Variants in SCUBE1 observed in about 807,000 individuals in gnomAD.
SCUBE1 encodes signal peptide, CUB domain and EGF like domain containing 1, also known as signal peptide, CUB and EGF-like domain-containing protein 1.
SCUBE1 carries 59 observed loss-of-function variants against 124.4 expected under a neutral mutation model. The observed-to-expected ratio is 0.47, with a 90% confidence interval of 0.38 to 0.59. The LOEUF (loss-of-function observed/expected upper bound fraction) is 0.59, where lower values mean the gene tolerates loss of function less well. Among genes scored for constraint, SCUBE1 ranks in the 20% least tolerant of loss-of-function variants. The pLI, the probability that SCUBE1 is intolerant of heterozygous loss-of-function variation, is 0.00. For synonymous variants in SCUBE1, 545 were observed against 550.9 expected, an observed-to-expected ratio of 0.99 and a Z score of 0.15; for missense variants, 1,150 against 1,371.2, an observed-to-expected ratio of 0.84 and a Z score of 2.55.
chr22:43,265,741 T>C (rs1017791303), intron 4 of SCUBE1, among the ~76,000 whole-genome samples: 3 of 152,358 alleles, frequency 2.0e-5, no homozygotes, highest in Admixed American at 6.5e-5. Context: ...CTATCGAGAC[T>C]GGCTAGATAC....
intron 21 of SCUBE1, among the ~76,000 whole-genome samples, chr22:43,205,418 C>CA (rs1396932170): frequency 6.6e-6 from 1 of 152,042 alleles, no homozygotes; most frequent in Non-Finnish European, 1.5e-5. Flanking sequence ...TGGTTCCTGA[C>CA]AGAGTCCCCA....
rs796998266 is a variant in SCUBE1, at chr22:43,281,513, C to T, written c.484+9533G>A. Among the ~76,000 whole-genome samples the T allele has an allele frequency of 3.0e-4, 21 of 70,750 alleles. 3 individuals are homozygous for T. The highest frequency in any genetic ancestry group is 2.7e-3 in the South Asian group (5 of 1,858). The allele number at this position is 70,750 out of a possible 152,430, so 46.4% of individuals were successfully genotyped here. A position where few individuals can be genotyped will look rare whatever the true frequency, so the allele number is the denominator to read the frequency against. ...GGCCACCCTCCTGTCACCTCCTCCT[C>T]AGCCACCCTCCTGTCACCTCCCTCA... is the stretch of plus-strand genomic sequence containing the variant. On this transcript the variant is annotated intron_variant, in intron 4 of 21. Transcript: ENST00000360835.
intron 10 of SCUBE1, among the ~76,000 whole-genome samples, chr22:43,226,998 A>C (rs1408159490): frequency 6.6e-6 from 1 of 152,130 alleles, no homozygotes; most frequent in African/African-American, 2.4e-5. Flanking sequence ...GACAAGGGGA[A>C]GCTACCAGAG....
At chr22:43,217,307 C>T (rs1921872029) in intron 15 of SCUBE1, among the ~76,000 whole-genome samples, 1 of 151,714 alleles carries the variant, frequency 6.6e-6, no homozygotes, top group Non-Finnish European at 1.5e-5. Context: ...TGAACATGTC[C>T]AGCCTGCGCA....
chr22:43,317,078 T>C (rs1926374275), intron 3 of SCUBE1: 1 of 152,202 alleles, frequency 6.6e-6, no homozygotes, highest in Non-Finnish European at 1.5e-5. Context: ...AAATGGTCGT[T>C]TGATCCAGTG....
rs1923646057 is a variant in SCUBE1 at position 43,255,960 on chromosome 22, G to C, written c.727+2259C>G. ...CATGGTGCTTTACGGAGACACAAGT[G>C]ATTACAGACCCCCGTGGCTCAGGCT... On this transcript the variant is annotated intron_variant, in intron 6 of 21. Transcript: ENST00000360835. This position sits in a 1 kb window ranked among gnomAD's most constrained non-coding sequence, Gnocchi z 4.7. 6.6e-6 allele frequency among the ~76,000 whole-genome samples: 1 copy of C among 152,158 alleles called. No individual in the cohort carries two copies.
At position 43,234,707 on chromosome 22, in the gene SCUBE1, C is replaced by A. The variant is rs1219656147; in HGVS notation, c.845-2832G>T. ...CTTCCTGGGTTCCCACCCCACCGCC[C>A]CACACCAGGCAGCCAGCACCACCTT... On this transcript the variant is annotated intron_variant, in intron 7 of 21. Coordinates refer to ENST00000360835, the MANE Select transcript of SCUBE1 (RefSeq NM_173050.5). The surrounding 1 kb of genome is among the most constrained non-coding windows in gnomAD (Gnocchi z 4.4). Among the ~76,000 whole-genome samples, 4 of 152,202 alleles carry A rather than the reference C, an allele frequency of 2.6e-5. No homozygotes were observed. Among genetic ancestry groups the A allele is most frequent in the African/African-American group, 9.7e-5 (4 of 41,448 alleles).
rs1925199161 is a variant in SCUBE1, at chr22:43,287,694, G to C, written c.484+3352C>G. 2.6e-5 allele frequency among the ~76,000 whole-genome samples: 4 copies of C among 152,254 alleles called. No individual in the cohort carries two copies. In the South Asian group the frequency reaches 8.3e-4, roughly 31 times the overall value. Reference sequence around the variant, plus strand: ...GCTGGACAGGCATGAGGAAGAGTCAGGTGATAGGGGGAATCTAATTTGCCA... The same window carrying C: ...GCTGGACAGGCATGAGGAAGAGTCACGTGATAGGGGGAATCTAATTTGCCA... On this transcript the variant is annotated intron_variant, in intron 4 of 21. Transcript: ENST00000360835.
chr22:43,321,586 T>G (rs934861941), intron 2 of SCUBE1, among the ~76,000 whole-genome samples: 1 of 151,458 alleles, frequency 6.6e-6, no homozygotes, highest in Admixed American at 6.6e-5. Context: ...ACTCTTGGTG[T>G]CCGTGCAGCC....
chr22:43,281,534 C>CCTT (rs1160616862), intron 4 of SCUBE1, among the ~76,000 whole-genome samples: 2 of 75,558 alleles, frequency 2.6e-5, no homozygotes, highest in African/African-American at 2.1e-4. Flanking sequence ...CTGTCACCTC[C>CCTT]CTCAGTCACC....
intron 2 of SCUBE1, among the ~76,000 whole-genome samples, chr22:43,338,170 G>A (rs1927147050): frequency 6.6e-6 from 1 of 152,194 alleles, no homozygotes; most frequent in African/African-American, 2.4e-5. Flanking sequence ...GACTCTCATG[G>A]ACAAAAGCTC....
intron 3 of SCUBE1, among the ~76,000 whole-genome samples, chr22:43,305,093 T>A (rs1487899066): frequency 6.6e-6 from 1 of 152,092 alleles, no homozygotes; most frequent in Non-Finnish European, 1.5e-5. Flanking sequence ...TTCCATTCCA[T>A]CTTGGCGACG....
chr22:43,266,782 C>T (rs6003130), intron 4 of SCUBE1, among the ~76,000 whole-genome samples: 24,597 of 152,090 alleles, frequency 0.16, 2,389 homozygotes, highest in African/African-American at 0.27. Context: ...TTACTGGCCA[C>T]TGTTTCCAGA....
chr22:43,206,521 G>A (rs1464584003), intron 21 of SCUBE1, among the ~76,000 whole-genome samples: 1 of 152,172 alleles, frequency 6.6e-6, no homozygotes, highest in African/African-American at 2.4e-5. Context: ...GTGGGCGCCA[G>A]GAAGGAGGGG....
intron 17 of SCUBE1, 28 bp downstream of exon 17, chr22:43,212,397 G>T: frequency 6.5e-7 from 1 of 1,546,620 alleles, no homozygotes; most frequent in Non-Finnish European, 8.7e-7. Context: ...CTCGGGGTGG[G>T]CGGGCGTGGT....
Position 43,199,126 on chromosome 22 carries a change from GCACCAACTC to G in SCUBE1, c.*4862_*4870del. ...TGGGGCAGTTTGTCATCTGTGCAGGGCACCAACTCCCTGTCTTTCTAGGAGCCTGGCACA... is the reference window on the plus strand; with the variant it reads ...TGGGGCAGTTTGTCATCTGTGCAGGGCCTGTCTTTCTAGGAGCCTGGCACA... On this transcript the variant is annotated 3_prime_UTR_variant, in exon 22 of 22. Transcript: ENST00000360835. 4 of 49,000 alleles carry G rather than the reference GCACCAACTC, an allele frequency of 8.2e-5. No individual in the cohort carries two copies. The highest frequency in any genetic ancestry group is 2.1e-4 in the Non-Finnish European group (4 of 19,136). The allele number at this position is 49,000 out of a possible 1,614,324, so 3.0% of individuals were successfully genotyped here.
At chr22:43,307,044 G>A (rs548983245) in intron 3 of SCUBE1, among the ~76,000 whole-genome samples, 7 of 152,322 alleles carry the variant, frequency 4.6e-5, no homozygotes, top group African/African-American at 1.7e-4. Flanking sequence ...CCTGCCACCC[G>A]CCCATCCTCC....
At chr22:43,338,752 G>T (rs1601903613) in intron 2 of SCUBE1, among the ~76,000 whole-genome samples, 1 of 152,142 alleles carries the variant, frequency 6.6e-6, no homozygotes, top group African/African-American at 2.4e-5. Flanking sequence ...TGGCCAGGCT[G>T]GTCTCAAACT....
chr22:43,273,841 G>A (rs748237725), intron 4 of SCUBE1, among the ~76,000 whole-genome samples: 3 of 152,090 alleles, frequency 2.0e-5, no homozygotes, highest in Non-Finnish European at 4.4e-5. Context: ...CCAAAGTGCT[G>A]GGATTACAGG....
Sources: allele counts gnomAD v4.1 joint callset (sites outside exome capture counted in the v4.1 genomes callset), GRCh38; gene constraint gnomAD v4.1.1; non-coding constraint Gnocchi (gnomAD v3.1); transcripts MANE v1.5; gene names NCBI Gene and HGNC (gene_info 2026-07-23, HGNC 2026-07-21).